The following FAM135B variants were observed in gnomAD, a reference collection of about 807,000 sequenced individuals.
The protein encoded by FAM135B is family with sequence similarity 135 member B.
Under a neutral mutation model 127.7 loss-of-function variants are expected in FAM135B, and 43 were observed. The ratio of observed to expected loss-of-function variants is 0.34; its 90% CI spans 0.26 to 0.43. The LOEUF (loss-of-function observed/expected upper bound fraction) is 0.43, where lower values mean the gene tolerates loss of function less well. FAM135B is among the 20% of genes least tolerant of loss of function. The pLI is 1.00. For missense variants in FAM135B, 1,558 were observed against 1,725.6 expected (o/e 0.90, Z 1.72); for synonymous variants, 670 against 665.1 (o/e 1.01, Z -0.11).
intron 7 of FAM135B, among the ~76,000 whole-genome samples, chr8:138,236,916 G>A (rs545931615): frequency 3.3e-5 from 5 of 152,210 alleles, no homozygotes; most frequent in African/African-American, 1.2e-4. Flanking sequence ...CACAGTAGGG[G>A]CTAAATAAAT....
intron 12 of FAM135B, among the ~76,000 whole-genome samples, chr8:138,162,978 G>A (rs2130865421): frequency 6.6e-6 from 1 of 152,330 alleles, no homozygotes; most frequent in South Asian, 2.1e-4. Context: ...AGTGCAGAAA[G>A]TAAGTCAGTT....
intron 12 of FAM135B, among the ~76,000 whole-genome samples, chr8:138,164,629 C>A (rs571434497): frequency 6.6e-6 from 1 of 152,194 alleles, no homozygotes; most frequent in Non-Finnish European, 1.5e-5. Flanking sequence ...AGAATACAAC[C>A]ATCTGTCTCT....
intron 1 of FAM135B, among the ~76,000 whole-genome samples, chr8:138,398,552 T>A (rs1015454031): frequency 1.3e-5 from 2 of 152,152 alleles, no homozygotes; most frequent in Non-Finnish European, 2.9e-5. Context: ...AGGGTTTGGC[T>A]CATCAACCTG....
chr8:138,383,589 T>C (rs965558813), intron 1 of FAM135B, among the ~76,000 whole-genome samples: 2 of 152,212 alleles, frequency 1.3e-5, no homozygotes, highest in African/African-American at 4.8e-5. Flanking sequence ...ACCATGATAC[T>C]GGATACTTCA....
At chr8:138,273,362 T>G (rs543527398) in intron 3 of FAM135B, among the ~76,000 whole-genome samples, 12 of 152,226 alleles carry the variant, frequency 7.9e-5, no homozygotes, top group Non-Finnish European at 1.2e-4. Flanking sequence ...CATGCCACCA[T>G]GCCCGGCTAA....
intron 1 of FAM135B, among the ~76,000 whole-genome samples, chr8:138,417,624 C>T (rs1191137636): frequency 2.0e-5 from 3 of 152,180 alleles, no homozygotes; most frequent in South Asian, 4.1e-4. Context: ...ACAGCAGGTG[C>T]TTAACCTCGA....
At chr8:138,334,832 C>T (rs534499483) in intron 2 of FAM135B, among the ~76,000 whole-genome samples, 12 of 152,122 alleles carry the variant, frequency 7.9e-5, no homozygotes, top group African/African-American at 2.4e-4. Flanking sequence ...TTTGCTATTG[C>T]GAATAGTGCT....
intron 1 of FAM135B, among the ~76,000 whole-genome samples, chr8:138,458,313 G>A (rs1284063793): frequency 6.6e-6 from 1 of 152,170 alleles, no homozygotes; most frequent in African/African-American, 2.4e-5. Flanking sequence ...GTCATGTCAG[G>A]AATTCAATAT....
chr8:138,194,184 G>T (rs2131102293), intron 9 of FAM135B, among the ~76,000 whole-genome samples: 1 of 152,262 alleles, frequency 6.6e-6, no homozygotes, highest in East Asian at 1.9e-4. Flanking sequence ...GATAATCAGT[G>T]CTTGGCATGT....
chr8:138,197,379 A>T, intron 8 of FAM135B, 137 bp downstream of exon 8: 1 of 1,042,496 alleles, frequency 9.6e-7, no homozygotes. Flanking sequence ...TAGAATAATA[A>T]AAATCACAGC....
At chr8:138,182,042 G>C (rs1815092185) in intron 9 of FAM135B, among the ~76,000 whole-genome samples, 1 of 152,168 alleles carries the variant, frequency 6.6e-6, no homozygotes, top group South Asian at 2.1e-4. Flanking sequence ...AACTCAGACT[G>C]CCTCTCCCGG....
Position 138,148,656 on chromosome 8 carries a change from T to C in FAM135B, c.3312A>G (p.Lys1104=), listed in dbSNP as rs2130693997. ...ACAGAAATCCTTCAATCTTCAGTTC[T>C]TTTTTAAATTTTTCTTTGGCCTGAT... The part of the protein sequence containing the change: ...SFYQAKEKFK[K]ELKIEGFLYS... The change falls in exon 14 of 20, where the codon AAA becomes AAG. Residue 1104 remains lysine, a synonymous_variant. Coordinates refer to ENST00000395297, the MANE Select transcript of FAM135B (RefSeq NM_015912.4). 6.2e-7 allele frequency: 1 copy of C among 1,606,930 alleles called. No homozygotes were observed. Among genetic ancestry groups the C allele is most frequent in the Non-Finnish European group, 8.5e-7 (1 of 1,176,488 alleles).
At chr8:138,455,179 T>C (rs1304921029) in intron 1 of FAM135B, among the ~76,000 whole-genome samples, 2 of 152,206 alleles carry the variant, frequency 1.3e-5, no homozygotes, top group Non-Finnish European at 1.5e-5. Flanking sequence ...TGCTGGCACA[T>C]AGGACCTTCC....
chr8:138,227,837 A>AGGCATT (rs1819591250), intron 7 of FAM135B, among the ~76,000 whole-genome samples: 1 of 148,034 alleles, frequency 6.8e-6, no homozygotes, highest in East Asian at 2.0e-4. Flanking sequence ...TGTTAGCTCT[A>AGGCATT]GGCATTATGT....
At chr8:138,492,232 G>A (rs1442105206) in intron 1 of FAM135B, among the ~76,000 whole-genome samples, 1 of 151,990 alleles carries the variant, frequency 6.6e-6, no homozygotes, top group Admixed American at 6.6e-5. Context: ...TATCAACCAT[G>A]ACCCCTCCTT....
chr8:138,154,838 C>G (rs1214332190), intron 12 of FAM135B, among the ~76,000 whole-genome samples: 1 of 152,092 alleles, frequency 6.6e-6, no homozygotes, highest in Admixed American at 6.5e-5. Flanking sequence ...CTGAAAGTGA[C>G]GAGGAGAATG....
At chr8:138,236,429 T>A (rs912607918) in intron 7 of FAM135B, among the ~76,000 whole-genome samples, 1 of 143,648 alleles carries the variant, frequency 7.0e-6, no homozygotes, top group South Asian at 2.2e-4. Flanking sequence ...CACACACACA[T>A]CCCCACATAC....
At chr8:138,460,504 G>A (rs562793594) in intron 1 of FAM135B, among the ~76,000 whole-genome samples, 1 of 152,274 alleles carries the variant, frequency 6.6e-6, no homozygotes, top group African/African-American at 2.4e-5. Context: ...CCCAAACATG[G>A]CAGGGACTGT....
chr8:138,312,891 C>CAT (rs757973626), intron 2 of FAM135B, among the ~76,000 whole-genome samples: 17 of 152,206 alleles, frequency 1.1e-4, no homozygotes, highest in Non-Finnish European at 2.2e-4. Flanking sequence ...TGAGGGCATA[C>CAT]ATATGCCCAT....
Sources: gnomAD v4.1 joint callset for allele counts (sites outside exome capture counted in the v4.1 genomes callset) on GRCh38, gnomAD v4.1.1 for gene constraint, MANE v1.5 for transcripts, NCBI Gene and HGNC (gene_info 2026-07-23, HGNC 2026-07-21) for gene names.